Variants in ANKFN1 observed in about 807,000 individuals in gnomAD.
ANKFN1 encodes ankyrin repeat and fibronectin type-III domain-containing protein 1.
ANKFN1 carries 74 observed loss-of-function variants against 108.7 expected under a neutral mutation model. The observed-to-expected ratio is 0.68, with a 90% CI of 0.56 to 0.83. The LOEUF (loss-of-function observed/expected upper bound fraction) is 0.83, where lower values mean the gene tolerates loss of function less well. ANKFN1 is among the 40% of genes least tolerant of loss of function. ANKFN1 has a pLI of 0.00. For synonymous variants in ANKFN1, 547 were observed against 516.2 expected (o/e 1.06, Z -0.81); for missense variants, 1,505 against 1,382.3 (o/e 1.09, Z -1.41).
rs1318469602 is a variant in ANKFN1 at position 56,097,733 on chromosome 17, C to G, written c.288+51408C>G. ...CTTCACAGCTACACTCTGTCAGCCT[C>G]GTCTTTTCATCCAGGCACACTGGCT... On this transcript the variant is annotated intron_variant, in intron 4 of 12. Coordinates refer to the ANKFN1 transcript ENST00000635860. 2.0e-5 allele frequency among the ~76,000 whole-genome samples: 3 copies of G among 152,212 alleles called. No homozygotes were observed. The East Asian group carries it at 5.8e-4, about 29-fold the overall frequency.
intron 15 of ANKFN1, among the ~76,000 whole-genome samples, chr17:56,474,688 A>G (rs2050439291): frequency 6.6e-6 from 1 of 152,180 alleles, no homozygotes; most frequent in Non-Finnish European, 1.5e-5. Flanking sequence ...GGTGCATATC[A>G]TCAAATTCAG....
intron 4 of ANKFN1, among the ~76,000 whole-genome samples, chr17:56,101,288 C>T (rs1001345165): frequency 6.6e-5 from 10 of 152,272 alleles, no homozygotes; most frequent in Admixed American, 6.5e-4. Context: ...CAATTCTTTC[C>T]TCCCCACTTC....
intron 11 of ANKFN1, 100 bp downstream of exon 11, chr17:56,449,286 G>A: frequency 2.6e-6 from 2 of 779,940 alleles, no homozygotes; most frequent in Admixed American, 2.7e-5. Context: ...ATTCATCAGG[G>A]AGAGAGATAT....
chr17:56,184,008 C>T (rs929655800), intron 1 of ANKFN1, among the ~76,000 whole-genome samples: 2 of 152,066 alleles, frequency 1.3e-5, no homozygotes, highest in Non-Finnish European at 2.9e-5. Context: ...GCCATGGGAT[C>T]CACTCTTTGG....
At chr17:56,305,688 T>G (rs1012520285) in intron 3 of ANKFN1, among the ~76,000 whole-genome samples, 4 of 152,238 alleles carry the variant, frequency 2.6e-5, no homozygotes, top group Non-Finnish European at 4.4e-5. Context: ...TGGATGTGCT[T>G]TTGGTGCCAA....
chr17:56,410,768 TTG>T (rs2048067414), intron 8 of ANKFN1, among the ~76,000 whole-genome samples: 1 of 152,184 alleles, frequency 6.6e-6, no homozygotes, highest in South Asian at 2.1e-4. Flanking sequence ...GTGAGATTTA[TTG>T]AAGAGATTGT....
chr17:56,417,583 C>G (rs1284632144), intron 8 of ANKFN1, among the ~76,000 whole-genome samples: 2 of 152,174 alleles, frequency 1.3e-5, no homozygotes, highest in Non-Finnish European at 2.9e-5. Flanking sequence ...GCACTGTGCC[C>G]AAGGTAGGGT....
chr17:56,368,158 G>T, intron 6 of ANKFN1: 2 of 1,349,108 alleles, frequency 1.5e-6, no homozygotes, highest in Middle Eastern at 2.0e-4. Flanking sequence ...ACCACTGACT[G>T]ATCCAGAGAA....
intron 2 of ANKFN1, among the ~76,000 whole-genome samples, chr17:56,214,183 C>A (rs546092080): frequency 5.9e-5 from 9 of 152,328 alleles, no homozygotes; most frequent in African/African-American, 1.9e-4. Flanking sequence ...GTCTCTTTGT[C>A]ATATCCTGAA....
chr17:56,205,960 A>G (rs1432827822), intron 1 of ANKFN1, among the ~76,000 whole-genome samples: 1 of 152,096 alleles, frequency 6.6e-6, no homozygotes, highest in African/African-American at 2.4e-5. Flanking sequence ...ACCTCAAAGC[A>G]TGCTTCCATC....
At chr17:56,118,323 G>T (rs1385246843) in intron 4 of ANKFN1, among the ~76,000 whole-genome samples, 16 of 152,272 alleles carry the variant, frequency 1.1e-4, no homozygotes, top group African/African-American at 3.8e-4. Context: ...GATCTCAAAA[G>T]TAGCCACAAC....
intron 8 of ANKFN1, among the ~76,000 whole-genome samples, chr17:56,432,297 G>T (rs184258361): frequency 2.5e-4 from 38 of 152,302 alleles, no homozygotes; most frequent in Admixed American, 2.4e-3. Context: ...CAAGGAAGAA[G>T]AGAAAGTAGA....
At chr17:56,220,832 G>GAGGGAGGGAGGAAGGAAGGA (rs1567846033) in intron 2 of ANKFN1, among the ~76,000 whole-genome samples, 2 of 43,408 alleles carry the variant, frequency 4.6e-5, no homozygotes, top group African/African-American at 4.7e-4. Context: ...GGAAGGAAGG[G>GAGGGAGGGAGGAAGGAAGGA]AGGAAGGGAG....
intron 6 of ANKFN1, among the ~76,000 whole-genome samples, chr17:56,368,472 G>T (rs1405148914): frequency 6.6e-6 from 1 of 151,120 alleles, no homozygotes; most frequent in Admixed American, 6.6e-5. Flanking sequence ...TAGAGACAGG[G>T]TTTCACCATA....
At chr17:56,133,032 A>G (rs923535752) in intron 4 of ANKFN1, among the ~76,000 whole-genome samples, 3 of 152,184 alleles carry the variant, frequency 2.0e-5, no homozygotes, top group South Asian at 4.1e-4. Flanking sequence ...CAAAACAGGG[A>G]AGTACATTCT....
intron 1 of ANKFN1, among the ~76,000 whole-genome samples, chr17:56,203,412 G>A (rs1021650239): frequency 1.3e-5 from 2 of 152,038 alleles, no homozygotes; most frequent in Non-Finnish European, 2.9e-5. Context: ...GTGCTTTTCC[G>A]ACTGCCCTAG....
At chr17:56,504,336 G>A (rs2051481211) in intron 20 of ANKFN1, among the ~76,000 whole-genome samples, 1 of 151,918 alleles carries the variant, frequency 6.6e-6, no homozygotes, top group South Asian at 2.1e-4. Flanking sequence ...TAAGTCAATA[G>A]TCTTTCCTGA....
At chr17:56,183,953 G>C (rs1202739793) in intron 1 of ANKFN1, among the ~76,000 whole-genome samples, 1 of 152,154 alleles carries the variant, frequency 6.6e-6, no homozygotes, top group Non-Finnish European at 1.5e-5. Context: ...ATCTTGAATG[G>C]ATATTGAGTT....
At chr17:56,165,549 A>G (rs1387205243) in intron 1 of ANKFN1, among the ~76,000 whole-genome samples, 1 of 152,202 alleles carries the variant, frequency 6.6e-6, no homozygotes, top group African/African-American at 2.4e-5. Context: ...TAAAATGTCT[A>G]CACCAATAGT....
Sources: allele counts gnomAD v4.1 joint callset (sites outside exome capture counted in the v4.1 genomes callset), GRCh38; gene constraint gnomAD v4.1.1; transcripts MANE v1.5; gene names NCBI Gene and HGNC (gene_info 2026-07-23, HGNC 2026-07-21).